The following TAOK1 variants were observed in gnomAD, a reference collection of about 807,000 sequenced individuals.
TAOK1 encodes the protein TAO kinase 1.
A neutral mutation model predicts 138.3 loss-of-function variants in TAOK1; 21 were observed. The observed-to-expected ratio is 0.15, with a 90% CI of 0.11 to 0.22. The LOEUF is 0.22. TAOK1 is among the 10% of genes least tolerant of loss of function. TAOK1 has a pLI of 1.00. For synonymous variants in TAOK1, 361 were observed against 398.4 expected, an observed-to-expected ratio of 0.91 and a Z score of 1.12; for missense variants, 651 against 1,227.7, an observed-to-expected ratio of 0.53 and a Z score of 7.02.
intron 1 of TAOK1, among the ~76,000 whole-genome samples, chr17:29,401,560 A>G (rs1904842425): frequency 6.6e-6 from 1 of 152,208 alleles, no homozygotes; most frequent in African/African-American, 2.4e-5. Flanking sequence ...CCAATGATCC[A>G]ATCATTTCCA....
intron 1 of TAOK1, among the ~76,000 whole-genome samples, chr17:29,440,427 G>A (rs1034654021): frequency 6.6e-6 from 1 of 152,098 alleles, no homozygotes; most frequent in South Asian, 2.1e-4. Context: ...AGTGGCTACA[G>A]TATTAAATAA....
At chr17:29,432,052 C>A (rs931501032) in intron 1 of TAOK1, among the ~76,000 whole-genome samples, 1 of 152,066 alleles carries the variant, frequency 6.6e-6, no homozygotes, top group Admixed American at 6.6e-5. Flanking sequence ...AGATCCTAAC[C>A]CAGCGTTGCT....
intron 3 of TAOK1, among the ~76,000 whole-genome samples, chr17:29,472,097 A>T (rs1281402773): frequency 6.6e-6 from 1 of 152,104 alleles, no homozygotes; most frequent in East Asian, 1.9e-4. Flanking sequence ...GTTGGAATCC[A>T]CTTATTGCAA....
chr17:29,531,887 G>T (rs1362813502), intron 18 of TAOK1, among the ~76,000 whole-genome samples: 1 of 146,170 alleles, frequency 6.8e-6, no homozygotes, highest in Admixed American at 6.8e-5. Context: ...TTGAGACGGA[G>T]TCTCGCTCTG....
At chr17:29,518,029 T>C (rs1033033428) in intron 16 of TAOK1, among the ~76,000 whole-genome samples, 1 of 152,154 alleles carries the variant, frequency 6.6e-6, no homozygotes, top group South Asian at 2.1e-4. Context: ...CTAATTTTTG[T>C]ATTTTTAGTA....
intron 1 of TAOK1, among the ~76,000 whole-genome samples, chr17:29,432,364 T>C (rs1242514663): frequency 6.6e-6 from 1 of 152,222 alleles, no homozygotes; most frequent in South Asian, 2.1e-4. Flanking sequence ...CCATCCTGGG[T>C]GGGCCAGGTG....
intron 2 of TAOK1, among the ~76,000 whole-genome samples, chr17:29,455,428 G>C (rs2030350882): frequency 6.7e-6 from 1 of 150,342 alleles, no homozygotes; most frequent in African/African-American, 2.5e-5. Flanking sequence ...AATGGAGATG[G>C]TTTTACTTCT....
At chr17:29,528,555 G>A (rs2032050021) in intron 17 of TAOK1, among the ~76,000 whole-genome samples, 1 of 152,048 alleles carries the variant, frequency 6.6e-6, no homozygotes, top group Admixed American at 6.6e-5. Flanking sequence ...AAAAGAAATT[G>A]GGGGCAAGGC....
chr17:29,430,511 G>T (rs186316684), intron 1 of TAOK1, among the ~76,000 whole-genome samples: 1 of 152,166 alleles, frequency 6.6e-6, no homozygotes, highest in Non-Finnish European at 1.5e-5. Flanking sequence ...AGTTGCAAAC[G>T]AAGACTCCAC....
In TAOK1 at chr17:29,551,019, A is replaced by G. The variant is rs1304731737; in HGVS notation, c.*7997A>G. The G allele has an allele frequency of 6.6e-6, 1 of 151,254 alleles. No individual in the cohort carries two copies. Among genetic ancestry groups the G allele is most frequent in the African/African-American group, 2.4e-5 (1 of 41,214 alleles). 9.4% of individuals were successfully genotyped at this position (151,254 alleles called of 1,614,324 possible). On this transcript the variant is annotated 3_prime_UTR_variant, in exon 20 of 20. Coordinates refer to ENST00000261716, the MANE Select transcript of TAOK1 (RefSeq NM_020791.4). Reference sequence around the variant, plus strand: ...CTTTTTTATTTAAAAAAAAAAAGAAAAAAAGCTGTAACCTTATCATTTCTG... The same window carrying G: ...CTTTTTTATTTAAAAAAAAAAAGAAGAAAAGCTGTAACCTTATCATTTCTG...
intron 19 of TAOK1, among the ~76,000 whole-genome samples, chr17:29,540,935 C>T (rs981719675): frequency 6.7e-6 from 1 of 149,132 alleles, no homozygotes; most frequent in Non-Finnish European, 1.5e-5. Flanking sequence ...AAACTCCTGG[C>T]CTGAAGTGAT....
chr17:29,467,157 C>T lies in TAOK1; in HGVS notation c.145C>T (p.Arg49Cys), dbSNP rs1379927018. 14 of 1,600,096 alleles carry T rather than the reference C, an allele frequency of 8.7e-6. No individual in the cohort carries two copies. Among genetic ancestry groups the T allele is most frequent in the East Asian group, 4.5e-5 (2 of 44,674 alleles). ...FGAVYFARDV[R>C]TNEVVAIKKM... ...CTTTCTTCTTTAGGCACGAGATGTG[C>T]GTACCAATGAAGTGGTGGCCATCAA... The change falls in exon 3 of 20, where the codon CGT (arginine) becomes TGT (cysteine). Residue 49 changes from arginine (R) to cysteine (C), a missense_variant. Transcript: ENST00000261716.
chr17:29,432,193 GC>G (rs1329749428), intron 1 of TAOK1, among the ~76,000 whole-genome samples: 1 of 152,184 alleles, frequency 6.6e-6, no homozygotes, highest in Non-Finnish European at 1.5e-5. Context: ...CCAGTGATAA[GC>G]ATTGTTTCTA....
Position 29,411,350 on chromosome 17 carries a change from C to T in TAOK1, c.-95+20326C>T, listed in dbSNP as rs574283275. Reference sequence around the variant, plus strand: ...TCGTGATCCGCCCGCCTCGGCCTCCCAAAGTGCTGGGATTACAGGCGTGAG... The same window carrying T: ...TCGTGATCCGCCCGCCTCGGCCTCCTAAAGTGCTGGGATTACAGGCGTGAG... On this transcript the variant is annotated intron_variant, in intron 1 of 19. Coordinates refer to ENST00000261716, the MANE Select transcript of TAOK1 (RefSeq NM_020791.4). Among the ~76,000 whole-genome samples, 37 of 152,142 alleles carry T rather than the reference C, an allele frequency of 2.4e-4. 1 individual carries two copies. Among genetic ancestry groups the T allele is most frequent in the Non-Finnish European group, 2.9e-5 (2 of 67,994 alleles).
intron 10 of TAOK1, among the ~76,000 whole-genome samples, chr17:29,494,264 G>C (rs571739132): frequency 6.6e-6 from 1 of 152,014 alleles, no homozygotes; most frequent in Non-Finnish European, 1.5e-5. Context: ...GAGGCTGGGC[G>C]CAGTGGTGTA....
In TAOK1 at chr17:29,517,607, G is replaced by A; in HGVS notation, c.1859G>A (p.Arg620Lys). The A allele has an allele frequency of 6.2e-7, 1 of 1,613,366 alleles. No individual in the cohort carries two copies. Among genetic ancestry groups the A allele is most frequent in the Non-Finnish European group, 8.5e-7 (1 of 1,180,018 alleles). ...GAGCTGGAATGCCGTCGCTTCAAGAGAAGAATGTTACTTGGGCGTCATAAC... is the reference window on the plus strand; with the variant it reads ...GAGCTGGAATGCCGTCGCTTCAAGAAAAGAATGTTACTTGGGCGTCATAAC... The part of the protein sequence containing the change: ...YLELECRRFK[R>K]RMLLGRHNLE... Residue 620 changes from arginine (R) to lysine (K), a missense_variant, in exon 16 of 20, where the codon AGA (arginine) becomes AAA (lysine). Arg to Lys is a conservative substitution (Grantham distance 26, BLOSUM62 2). This residue lies in a region of TAOK1 where 258 missense variants were observed against 548.9 expected (regional missense o/e 0.47). Transcript: ENST00000261716.
At chr17:29,499,601 CCA>C (rs1461021102) in intron 12 of TAOK1, among the ~76,000 whole-genome samples, 2 of 147,410 alleles carry the variant, frequency 1.4e-5, no homozygotes. Flanking sequence ...CTCTTGTTGC[CCA>C]GTCTGGAGTG....
intron 12 of TAOK1, among the ~76,000 whole-genome samples, chr17:29,499,181 A>G (rs1164599697): frequency 2.0e-5 from 3 of 151,054 alleles, no homozygotes; most frequent in Non-Finnish European, 4.4e-5. Flanking sequence ...AATGGTTGGG[A>G]TGAGTGATGA....
Position 29,508,144 on chromosome 17 carries a change from A to G in TAOK1, c.1575+12A>G, listed in dbSNP as rs765033635. 1 of 1,605,624 alleles carries G rather than the reference A, an allele frequency of 6.2e-7. No individual in the cohort carries two copies. The highest frequency in any genetic ancestry group is 1.7e-5 in the Admixed American group (1 of 59,970). ...CCATGGAGAAAGAGGTGGCTTATTC[A>G]GTATTATTACTTTGCTTATTTTAGG... On this transcript the variant is annotated intron_variant, in intron 14 of 19. Transcript: ENST00000261716.
Sources: gnomAD v4.1 joint callset for allele counts (sites outside exome capture counted in the v4.1 genomes callset) on GRCh38, gnomAD v4.1.1 for gene constraint, gnomAD v4.1.1 regional missense constraint, MANE v1.5 for transcripts, NCBI Gene and HGNC (gene_info 2026-07-23, HGNC 2026-07-21) for gene names.